Variants in C10orf90 observed in about 807,000 individuals in gnomAD.
The protein encoded by C10orf90 is chromosome 10 open reading frame 90.
Under a neutral mutation model 62.5 loss-of-function variants are expected in C10orf90, and 56 were observed. The ratio of observed to expected loss-of-function variants is 0.90; its 90% confidence interval spans 0.72 to 1.12. The LOEUF is 1.12. Among genes scored for constraint, C10orf90 ranks in the 50% most tolerant of loss-of-function variants. C10orf90 has a pLI of 0.00. For missense variants in C10orf90, 970 were observed against 880.4 expected (o/e 1.10, Z -1.29); for synonymous variants, 386 against 340.4 (o/e 1.13, Z -1.47).
intron 4 of C10orf90, among the ~76,000 whole-genome samples, chr10:126,498,593 C>G (rs531162748): frequency 1.3e-5 from 2 of 152,230 alleles, no homozygotes; most frequent in Non-Finnish European, 2.9e-5. Flanking sequence ...GTGATGGACA[C>G]TGTATTACAC....
At chr10:126,478,212 T>C (rs1481789105) in intron 4 of C10orf90, among the ~76,000 whole-genome samples, 2 of 152,192 alleles carry the variant, frequency 1.3e-5, no homozygotes, top group Non-Finnish European at 2.9e-5. Context: ...TTGGAATAAC[T>C]TGGAATCCTT....
chr10:126,503,320 A>C (rs757246611), intron 4 of C10orf90, among the ~76,000 whole-genome samples: 8 of 152,188 alleles, frequency 5.3e-5, no homozygotes, highest in Non-Finnish European at 1.0e-4. Context: ...CCTGGTCAAG[A>C]TGCCCCAGAA....
chr10:126,543,891 T>C (rs7904837), intron 2 of C10orf90, among the ~76,000 whole-genome samples: 93,172 of 151,900 alleles, frequency 0.61, 29,086 homozygotes, highest in African/African-American at 0.72. Context: ...TGACTCGAGC[T>C]TCAAGGCTAT....
intron 2 of C10orf90, among the ~76,000 whole-genome samples, chr10:126,569,500 C>T (rs1199424455): frequency 1.3e-5 from 2 of 152,108 alleles, no homozygotes; most frequent in Non-Finnish European, 2.9e-5. Context: ...GATATGAACC[C>T]ACAAATAATC....
intron 2 of C10orf90, among the ~76,000 whole-genome samples, chr10:126,537,787 T>C (rs558677908): frequency 2.6e-5 from 4 of 152,186 alleles, no homozygotes; most frequent in Non-Finnish European, 5.9e-5. Context: ...TGAATGCTGT[T>C]ATGGGTTGAA....
chr10:126,572,050 A>G (rs1844517275), intron 2 of C10orf90, among the ~76,000 whole-genome samples: 2 of 152,146 alleles, frequency 1.3e-5, no homozygotes, highest in Admixed American at 1.3e-4. Flanking sequence ...CAGCAAGTCC[A>G]TCTTGGATAG....
Position 126,426,032 on chromosome 10 carries a change from T to A in C10orf90, c.2311A>T (p.Ile771Phe), listed in dbSNP as rs1857242619. The A allele has an allele frequency of 6.2e-7, 1 of 1,614,106 alleles. No homozygotes were observed. The highest frequency in any genetic ancestry group is 8.5e-7 in the Non-Finnish European group (1 of 1,180,032). The change falls in exon 9 of 10, where the codon ATC becomes TTC. Residue 771 changes from isoleucine to phenylalanine, a missense_variant. Ile to Phe is a conservative substitution (Grantham distance 21). Coordinates refer to ENST00000488181, the MANE Select transcript of C10orf90 (RefSeq NM_001350921.2). ...KKKEEQRKRV[I>F]LQSNRLRAEV... ...GCACGGAGTCTGTTACTTTGTAAGA[T>A]CACCCTTTTCCTTTGTTCTTCTTTT...
At chr10:126,454,101 T>C (rs1267520576) in intron 7 of C10orf90, among the ~76,000 whole-genome samples, 1 of 152,010 alleles carries the variant, frequency 6.6e-6, no homozygotes, top group Non-Finnish European at 1.5e-5. Flanking sequence ...TGGGGCATGG[T>C]GAAGACTGCC....
intron 2 of C10orf90, among the ~76,000 whole-genome samples, chr10:126,535,953 GTGGAGCAGAATCTAGA>G (rs1864224463): frequency 1.3e-5 from 2 of 152,192 alleles, no homozygotes; most frequent in African/African-American, 2.4e-5. Flanking sequence ...TACGGGGCAG[GTGGAGCAGAATCTAGA>G]TGTGCACTGA....
At chr10:126,603,912 T>A (rs540575985) in intron 2 of C10orf90, among the ~76,000 whole-genome samples, 16 of 152,166 alleles carry the variant, frequency 1.1e-4, no homozygotes, top group Admixed American at 9.2e-4. Flanking sequence ...TGACAGGAGA[T>A]TGCTTCACCG....
At chr10:126,429,887 A>G in intron 7 of C10orf90, 37 bp from the exon 8 acceptor site, 3 of 1,525,208 alleles carry the variant, frequency 2.0e-6, no homozygotes, top group Non-Finnish European at 1.8e-6. Flanking sequence ...TTCAGAAGGC[A>G]TAGAATCTCA....
At chr10:126,428,050 C>A (rs1021853326) in intron 8 of C10orf90, among the ~76,000 whole-genome samples, 1 of 152,126 alleles carries the variant, frequency 6.6e-6, no homozygotes, top group African/African-American at 2.4e-5. Flanking sequence ...CGATGGACCA[C>A]TCTGCAGACA....
At chr10:126,499,566 C>T (rs1263835295) in intron 4 of C10orf90, among the ~76,000 whole-genome samples, 11 of 152,240 alleles carry the variant, frequency 7.2e-5, no homozygotes, top group Non-Finnish European at 1.6e-4. Context: ...CCTTGAGTGG[C>T]GTAAGTGAGA....
chr10:126,471,954 C>G (rs557825253), intron 4 of C10orf90, among the ~76,000 whole-genome samples: 1 of 152,260 alleles, frequency 6.6e-6, no homozygotes, highest in South Asian at 2.1e-4. Context: ...TGCACACACT[C>G]ATGCCCATTT....
chr10:126,625,138 A>G (rs1024421098), intron 2 of C10orf90, among the ~76,000 whole-genome samples: 1 of 152,098 alleles, frequency 6.6e-6, no homozygotes, highest in Non-Finnish European at 1.5e-5. Context: ...GAAGTGGAGC[A>G]ATTGTACCTA....
At chr10:126,478,159 G>A (rs557639651) in intron 4 of C10orf90, among the ~76,000 whole-genome samples, 57 of 152,306 alleles carry the variant, frequency 3.7e-4, no homozygotes, top group African/African-American at 1.3e-3. Flanking sequence ...GGCATCATTT[G>A]AGAAAGACAG....
At chr10:126,529,464 A>G (rs1864036728) in intron 2 of C10orf90, among the ~76,000 whole-genome samples, 1 of 152,214 alleles carries the variant, frequency 6.6e-6, no homozygotes, top group African/African-American at 2.4e-5. Flanking sequence ...TGTAACCCAT[A>G]TAACAGACAA....
intron 1 of C10orf90, among the ~76,000 whole-genome samples, chr10:126,665,663 G>A (rs1288607291): frequency 6.6e-6 from 1 of 152,170 alleles, no homozygotes; most frequent in Non-Finnish European, 1.5e-5. Flanking sequence ...CTGAGAGGAG[G>A]AAAACAAGAG....
intron 4 of C10orf90, among the ~76,000 whole-genome samples, chr10:126,496,302 C>T (rs1009195428): frequency 8.5e-5 from 13 of 152,174 alleles, no homozygotes; most frequent in African/African-American, 1.9e-4. Flanking sequence ...CGAAGCTAGC[C>T]GGGATGGCTG....
Sources: gnomAD v4.1 joint callset for allele counts (sites outside exome capture counted in the v4.1 genomes callset) on GRCh38, gnomAD v4.1.1 for gene constraint, MANE v1.5 for transcripts, NCBI Gene and HGNC (gene_info 2026-07-23, HGNC 2026-07-21) for gene names.